Variants in ARIH2 observed in about 807,000 individuals in gnomAD.
ARIH2 encodes the protein E3 ubiquitin-protein ligase ARIH2.
A neutral mutation model predicts 79.8 loss-of-function variants in ARIH2; 12 were observed. That is an observed-to-expected ratio of 0.15 (90% confidence interval 0.10 to 0.24). ARIH2 has a LOEUF of 0.24. Among genes scored for constraint, ARIH2 ranks in the 10% least tolerant of loss-of-function variants. The pLI is 1.00. For missense variants in ARIH2, 301 were observed against 618.3 expected (o/e 0.49, Z 5.44); for synonymous variants, 224 against 213.9 (o/e 1.05, Z -0.41).
chr3:48,919,252 C>T (rs1347104456), intron 1 of ARIH2: 63 of 1,224,244 alleles, frequency 5.1e-5, no homozygotes, highest in Non-Finnish European at 6.5e-5. Context: ...TCTGACCAAC[C>T]GGCGCCGGCA....
At chr3:48,951,738 C>G (rs1432940274) in intron 3 of ARIH2, among the ~76,000 whole-genome samples, 1 of 152,008 alleles carries the variant, frequency 6.6e-6, no homozygotes, top group Non-Finnish European at 1.5e-5. Context: ...CTTATTTTCC[C>G]TTTAATGTCT....
chr3:48,921,517 C>G (rs2084821425), intron 1 of ARIH2: 1 of 150,444 alleles, frequency 6.6e-6, no homozygotes, highest in Non-Finnish European at 1.5e-5. Flanking sequence ...TCACTGCAGC[C>G]TCCATCTCCC....
At chr3:48,927,079 A>C (rs2085733068) in intron 2 of ARIH2, 1 of 171,048 alleles carries the variant, frequency 5.8e-6, no homozygotes, top group Non-Finnish European at 1.3e-5. Context: ...GCAAAATTTT[A>C]AACTTTGGTA....
chr3:48,981,948 G>A (rs1464335673), intron 14 of ARIH2, among the ~76,000 whole-genome samples: 1 of 152,172 alleles, frequency 6.6e-6, no homozygotes, highest in Non-Finnish European at 1.5e-5. Context: ...CTAATCCTCT[G>A]AACAACTGTA....
intron 13 of ARIH2, among the ~76,000 whole-genome samples, chr3:48,981,103 G>A (rs1041808528): frequency 1.3e-5 from 2 of 149,398 alleles, no homozygotes; most frequent in African/African-American, 2.5e-5. Flanking sequence ...GCCAAGGCAG[G>A]TGCATTGCTT....
chr3:48,929,785 G>A (rs1169268799), intron 3 of ARIH2, among the ~76,000 whole-genome samples: 2 of 152,170 alleles, frequency 1.3e-5, no homozygotes, highest in Non-Finnish European at 2.9e-5. Context: ...TGTGGATTTT[G>A]TTGATTGTTG....
chr3:48,933,411 C>T (rs1181899250), intron 3 of ARIH2, among the ~76,000 whole-genome samples: 1 of 151,894 alleles, frequency 6.6e-6, no homozygotes, highest in Non-Finnish European at 1.5e-5. Flanking sequence ...AATCCACCCA[C>T]TTCAGCCTCC....
chr3:48,933,238 GT>G (rs1559731369), intron 3 of ARIH2, among the ~76,000 whole-genome samples: 24 of 3,458 alleles, frequency 6.9e-3, no homozygotes, highest in Non-Finnish European at 0.014. Context: ...ATGCCCGGGT[GT>G]GTGTGTGTGT....
chr3:48,962,874 T>C (rs1421344296), intron 4 of ARIH2, among the ~76,000 whole-genome samples: 2 of 152,078 alleles, frequency 1.3e-5, no homozygotes, highest in African/African-American at 4.8e-5. Context: ...TTTTTTTTTA[T>C]TTTTATTTTT....
chr3:48,952,760 G>T (rs745628759), intron 3 of ARIH2, among the ~76,000 whole-genome samples: 3 of 152,142 alleles, frequency 2.0e-5, no homozygotes, highest in African/African-American at 7.2e-5. Context: ...AACAGGTGCT[G>T]CAAAAGACAT....
intron 12 of ARIH2, 76 bp from the exon 13 acceptor site, chr3:48,980,277 C>G (rs2092701926): frequency 6.7e-7 from 1 of 1,491,808 alleles, no homozygotes; most frequent in Non-Finnish European, 9.1e-7. Flanking sequence ...AGCAAGGTGT[C>G]TATCCTGAAC....
At position 48,949,914 on chromosome 3, in the gene ARIH2, A is replaced by G. The variant is rs185917766; in HGVS notation, c.256-11698A>G. 1.3e-4 allele frequency among the ~76,000 whole-genome samples: 19 copies of G among 151,014 alleles called. No homozygotes were observed. The East Asian group carries it at 3.5e-3, about 28-fold the overall frequency. ...TTTGAAGAGTAAAAGCTTAATTTTGATGAAGTCCAGTTTATCTTTATTTTC... is the reference window on the plus strand; with the variant it reads ...TTTGAAGAGTAAAAGCTTAATTTTGGTGAAGTCCAGTTTATCTTTATTTTC... On this transcript the variant is annotated intron_variant, in intron 3 of 15. Transcript: ENST00000356401.
chr3:48,957,260 A>T (rs944264177), intron 3 of ARIH2, among the ~76,000 whole-genome samples: 3 of 152,240 alleles, frequency 2.0e-5, no homozygotes, highest in African/African-American at 7.2e-5. Flanking sequence ...GTTAATTCTG[A>T]GGCTTCACTG....
intron 12 of ARIH2, 71 bp from the exon 13 acceptor site, chr3:48,980,282 C>T: frequency 1.3e-6 from 2 of 1,533,692 alleles, no homozygotes; most frequent in Non-Finnish European, 1.8e-6. Context: ...GGTGTCTATC[C>T]TGAACTCCTG....
At chr3:48,953,112 T>G (rs761420960) in intron 3 of ARIH2, among the ~76,000 whole-genome samples, 53 of 152,028 alleles carry the variant, frequency 3.5e-4, no homozygotes, top group African/African-American at 1.2e-3. Flanking sequence ...ATATTTTTAG[T>G]AGAGACAGGG....
intron 3 of ARIH2, among the ~76,000 whole-genome samples, chr3:48,930,007 C>G (rs1338383673): frequency 6.6e-6 from 1 of 152,096 alleles, no homozygotes; most frequent in Non-Finnish European, 1.5e-5. Flanking sequence ...GAAAATGGAG[C>G]AAAGAGGAAA....
At position 48,983,925 on chromosome 3, in the gene ARIH2, GTCT is replaced by G. The variant is rs1012265628; in HGVS notation, c.*660_*662del. ...CAGTACGGAGACAGTCCAGAACATG[GTCT>G]TCTTGCCACGGGGTGTTGTTGTCTC... On this transcript the variant is annotated 3_prime_UTR_variant, in exon 16 of 16. Transcript: ENST00000356401. 6.6e-6 allele frequency: 1 copy of G among 152,502 alleles called. No homozygotes were observed. Among genetic ancestry groups the G allele is most frequent in the African/African-American group, 2.4e-5 (1 of 41,440 alleles). 9.4% of individuals were successfully genotyped at this position (152,502 alleles called of 1,614,324 possible). A position where few individuals can be genotyped will look rare whatever the true frequency, so the allele number is the denominator to read the frequency against.
chr3:48,934,635 T>C, intron 3 of ARIH2: 1 of 985,440 alleles, frequency 1.0e-6, no homozygotes, highest in Non-Finnish European at 1.2e-6. Flanking sequence ...TTTGTTAACA[T>C]GTTTCACAGT....
At chr3:48,931,785 G>A (rs551065255) in intron 3 of ARIH2, among the ~76,000 whole-genome samples, 3 of 152,226 alleles carry the variant, frequency 2.0e-5, no homozygotes, top group African/African-American at 7.2e-5. Flanking sequence ...GGGAGGCCAA[G>A]GCAGGTGGAT....
Sources: gnomAD v4.1 joint callset for allele counts (sites outside exome capture counted in the v4.1 genomes callset) on GRCh38, gnomAD v4.1.1 for gene constraint, MANE v1.5 for transcripts, NCBI Gene and HGNC (gene_info 2026-07-23, HGNC 2026-07-21) for gene names.